Variants in CTNND2 observed in about 807,000 individuals in gnomAD.
The protein encoded by CTNND2 is catenin delta-2.
A neutral mutation model predicts 144.4 loss-of-function variants in CTNND2; 22 were observed. That is an observed-to-expected ratio of 0.15 (90% confidence interval 0.11 to 0.22). The LOEUF (loss-of-function observed/expected upper bound fraction) is 0.22, where lower values mean the gene tolerates loss of function less well. CTNND2 is among the 10% of genes least tolerant of loss of function. The pLI, the probability that CTNND2 is intolerant of heterozygous loss-of-function variation, is 1.00. For missense variants in CTNND2, 1,353 were observed against 1,618.8 expected (o/e 0.84, Z 2.82); for synonymous variants, 751 against 695.6 (o/e 1.08, Z -1.25).
chr5:11,063,747 C>A (rs1331828498), intron 16 of CTNND2, among the ~76,000 whole-genome samples: 6 of 149,812 alleles, frequency 4.0e-5, no homozygotes, highest in African/African-American at 1.5e-4. Context: ...TTTTAAAATG[C>A]CACCCGGGAA....
Position 10,986,648 on chromosome 5 carries a change from T to C in CTNND2, c.3343+1463A>G, listed in dbSNP as rs76889610. On this transcript the variant is annotated intron_variant, in intron 20 of 21. Coordinates refer to ENST00000304623, the MANE Select transcript of CTNND2 (RefSeq NM_001332.4). The stretch of plus-strand genomic sequence containing the variant: ...AATGTGAATAGTAACCTAGAGTCCA[T>C]GTAATGAGTTAGGTTCTCCCGTTCA... 437 of 456,128 alleles carry C rather than the reference T, an allele frequency of 9.6e-4. 1 individual carries two copies. The highest frequency in any genetic ancestry group is 8.2e-3 in the African/African-American group (412 of 50,178). 28.3% of individuals were successfully genotyped at this position (456,128 alleles called of 1,614,324 possible). A position where few individuals can be genotyped will look rare whatever the true frequency, so the allele number is the denominator to read the frequency against.
chr5:11,569,316 T>C (rs980476285), intron 2 of CTNND2, among the ~76,000 whole-genome samples: 1 of 152,182 alleles, frequency 6.6e-6, no homozygotes, highest in Non-Finnish European at 1.5e-5. Context: ...AGATCATAAA[T>C]ATTCATAAAA....
chr5:11,545,247 G>A (rs1775130179), intron 3 of CTNND2, among the ~76,000 whole-genome samples: 1 of 151,266 alleles, frequency 6.6e-6, no homozygotes, highest in Non-Finnish European at 1.5e-5. Context: ...GCTTGAACCT[G>A]GAAGGCGGAG....
intron 3 of CTNND2, among the ~76,000 whole-genome samples, chr5:11,545,787 A>G (rs1775187262): frequency 6.6e-6 from 1 of 152,166 alleles, no homozygotes; most frequent in African/African-American, 2.4e-5. Context: ...ATGTGTGTCC[A>G]CATATAAACT....
chr5:11,806,269 A>G (rs1791991411), intron 1 of CTNND2, among the ~76,000 whole-genome samples: 1 of 152,196 alleles, frequency 6.6e-6, no homozygotes, highest in Non-Finnish European at 1.5e-5. Context: ...AATGGGATAT[A>G]TGAGAACTTT....
intron 18 of CTNND2, among the ~76,000 whole-genome samples, chr5:11,003,429 C>T (rs953866545): frequency 1.3e-5 from 2 of 152,158 alleles, no homozygotes; most frequent in Non-Finnish European, 2.9e-5. Context: ...AAAATTGTAC[C>T]AGTTTTCCAG....
chr5:11,086,924 T>G (rs1294600014), intron 15 of CTNND2, among the ~76,000 whole-genome samples: 1 of 152,260 alleles, frequency 6.6e-6, no homozygotes, highest in East Asian at 1.9e-4. Flanking sequence ...TAAATTACAA[T>G]GACAGTGTTT....
At chr5:11,729,772 T>G (rs1309498571) in intron 2 of CTNND2, among the ~76,000 whole-genome samples, 2 of 152,222 alleles carry the variant, frequency 1.3e-5, no homozygotes, top group Non-Finnish European at 2.9e-5. Flanking sequence ...TACCAAAAAA[T>G]TATAGCAATT....
At chr5:11,465,984 A>G (rs566501970) in intron 3 of CTNND2, among the ~76,000 whole-genome samples, 2 of 152,200 alleles carry the variant, frequency 1.3e-5, no homozygotes, top group South Asian at 4.2e-4. Context: ...AACTTCATGA[A>G]ATTTTTATTT....
At chr5:11,637,198 C>A (rs1452678335) in intron 2 of CTNND2, among the ~76,000 whole-genome samples, 1 of 152,104 alleles carries the variant, frequency 6.6e-6, no homozygotes, top group Non-Finnish European at 1.5e-5. Flanking sequence ...TTTCTAAACG[C>A]CCACTGAGCA....
At chr5:11,848,318 AC>A (rs1255387508) in intron 1 of CTNND2, among the ~76,000 whole-genome samples, 2 of 152,182 alleles carry the variant, frequency 1.3e-5, no homozygotes, top group African/African-American at 4.8e-5. Context: ...GACAAATACA[AC>A]TAGGCTAGAA....
intron 5 of CTNND2, among the ~76,000 whole-genome samples, chr5:11,409,904 C>T (rs1349203458): frequency 6.6e-6 from 1 of 151,730 alleles, no homozygotes; most frequent in Non-Finnish European, 1.5e-5. Flanking sequence ...CTATATTTTC[C>T]CTTCTATTTT....
chr5:11,397,898 C>T (rs761541043), intron 5 of CTNND2, among the ~76,000 whole-genome samples: 6 of 152,138 alleles, frequency 3.9e-5, no homozygotes, highest in Non-Finnish European at 7.3e-5. Context: ...CTTAATTATA[C>T]GTTGCATATG....
At chr5:11,430,248 C>CAAAAAAAAA (rs1307787997) in intron 3 of CTNND2, among the ~76,000 whole-genome samples, 2 of 38,482 alleles carry the variant, frequency 5.2e-5, no homozygotes, top group African/African-American at 8.8e-5. Context: ...GACTCCGTCT[C>CAAAAAAAAA]AAAAAAAAAA....
intron 18 of CTNND2, among the ~76,000 whole-genome samples, chr5:10,994,468 AG>A (rs1392899697): frequency 1.8e-4 from 1 of 5,442 alleles, no homozygotes; most frequent in Non-Finnish European, 3.5e-4. Context: ...GGAAGGAGGA[AG>A]GGGGGCGGGG....
At chr5:11,743,654 A>C (rs1788144540) in intron 1 of CTNND2, among the ~76,000 whole-genome samples, 1 of 152,134 alleles carries the variant, frequency 6.6e-6, no homozygotes, top group South Asian at 2.1e-4. Flanking sequence ...TCCACCTGAG[A>C]AGTTGGGGGT....
chr5:11,538,331 G>A (rs1314911203), intron 3 of CTNND2, among the ~76,000 whole-genome samples: 1 of 152,134 alleles, frequency 6.6e-6, no homozygotes, highest in Non-Finnish European at 1.5e-5. Context: ...TCTGCTTGTT[G>A]TGGAATAATT....
chr5:11,867,574 T>C (rs970755676), intron 1 of CTNND2, among the ~76,000 whole-genome samples: 3 of 152,180 alleles, frequency 2.0e-5, no homozygotes, highest in Non-Finnish European at 4.4e-5. Flanking sequence ...TATTGTGTAT[T>C]AGACCAGAAA....
intron 15 of CTNND2, among the ~76,000 whole-genome samples, chr5:11,097,128 T>C (rs1751432941): frequency 6.6e-6 from 1 of 152,216 alleles, no homozygotes; most frequent in African/African-American, 2.4e-5. Flanking sequence ...AGTGATATGC[T>C]GTAGTTTGCC....
Sources: allele counts gnomAD v4.1 joint callset (sites outside exome capture counted in the v4.1 genomes callset), GRCh38; gene constraint gnomAD v4.1.1; transcripts MANE v1.5; gene names NCBI Gene and HGNC (gene_info 2026-07-23, HGNC 2026-07-21).